The following NRXN1 variants were observed in gnomAD, a reference collection of about 807,000 sequenced individuals.
NRXN1 encodes the protein neurexin-1.
Under a neutral mutation model 150.9 loss-of-function variants are expected in NRXN1, and 39 were observed. The observed-to-expected ratio is 0.26, with a 90% CI of 0.20 to 0.34. NRXN1 has a LOEUF of 0.34. Ranked by LOEUF, NRXN1 falls within the 10% of genes least tolerant of loss-of-function variation. NRXN1 has a pLI of 1.00. For missense variants in NRXN1, 1,815 were observed against 1,949.9 expected (o/e 0.93, Z 1.30); for synonymous variants, 924 against 757.0 (o/e 1.22, Z -3.62).
intron 21 of NRXN1, among the ~76,000 whole-genome samples, chr2:49,997,772 C>T (rs773196248): frequency 2.0e-5 from 3 of 152,140 alleles, no homozygotes; most frequent in Non-Finnish European, 2.9e-5. Flanking sequence ...GCCTATCTTA[C>T]AGCCTGTTCC....
chr2:50,943,280 G>A (rs183856363), intron 2 of NRXN1, among the ~76,000 whole-genome samples: 22 of 152,128 alleles, frequency 1.4e-4, no homozygotes, highest in Admixed American at 7.2e-4. Context: ...AAACTAATAC[G>A]CGGACTTCAC....
intron 21 of NRXN1, among the ~76,000 whole-genome samples, chr2:50,005,833 C>T (rs1345869118): frequency 1.3e-5 from 2 of 152,138 alleles, no homozygotes; most frequent in African/African-American, 2.4e-5. Flanking sequence ...CTGCCTCAGA[C>T]GCATTTCTGC....
At position 50,639,201 on chromosome 2, in the gene NRXN1, T is replaced by TC. The variant is rs1231476336; in HGVS notation, c.833-15587_833-15586insG. 6.9e-3 allele frequency among the ~76,000 whole-genome samples: 908 copies of TC among 131,156 alleles called. 21 individuals are homozygous for TC. The highest frequency in any genetic ancestry group is 0.02 in the East Asian group (86 of 4,322). The allele number at this position is 131,156 out of a possible 152,430, so 86.0% of individuals were successfully genotyped here. ...ATCACACTTTTATGCATTTATCATT[T>TC]TTTTCTTTCTTTCTTTCTTTCTTTT... On this transcript the variant is annotated intron_variant, in intron 5 of 22. Coordinates refer to ENST00000401669, the MANE Select transcript of NRXN1 (RefSeq NM_001330078.2).
intron 17 of NRXN1, among the ~76,000 whole-genome samples, chr2:50,405,526 T>C (rs953175193): frequency 1.3e-5 from 2 of 152,154 alleles, no homozygotes; most frequent in South Asian, 4.1e-4. Context: ...AACTTCTTTC[T>C]ATTGTGTCAC....
chr2:50,203,602 T>G (rs2062347624), intron 18 of NRXN1, among the ~76,000 whole-genome samples: 1 of 152,180 alleles, frequency 6.6e-6, no homozygotes, highest in African/African-American at 2.4e-5. Flanking sequence ...ATCATGAAGA[T>G]TCCACTTCTG....
chr2:50,960,940 CA>C (rs1466917578), intron 2 of NRXN1, among the ~76,000 whole-genome samples: 1 of 151,894 alleles, frequency 6.6e-6, no homozygotes. Context: ...ATAATTTAAG[CA>C]ACTGTCTCTG....
chr2:50,801,782 G>A (rs1451858943), intron 5 of NRXN1, among the ~76,000 whole-genome samples: 2 of 152,178 alleles, frequency 1.3e-5, no homozygotes, highest in Non-Finnish European at 2.9e-5. Context: ...ATTTGGTAAA[G>A]CAGTGAATGC....
intron 5 of NRXN1, among the ~76,000 whole-genome samples, chr2:50,656,875 C>G (rs1686555153): frequency 6.6e-6 from 1 of 151,858 alleles, no homozygotes; most frequent in Admixed American, 6.6e-5. Context: ...GAAGGCTATC[C>G]AAGAATATCT....
intron 17 of NRXN1, among the ~76,000 whole-genome samples, chr2:50,356,763 T>C (rs895396257): frequency 6.6e-6 from 1 of 152,198 alleles, no homozygotes; most frequent in Non-Finnish European, 1.5e-5. Flanking sequence ...ATTAGACATA[T>C]GGTGTGGTCT....
At chr2:50,894,329 C>CAA (rs201262840) in intron 5 of NRXN1, among the ~76,000 whole-genome samples, 2 of 136,474 alleles carry the variant, frequency 1.5e-5, no homozygotes, top group African/African-American at 2.7e-5. Flanking sequence ...AAAATAAAAC[C>CAA]AAAAAAAAAA....
chr2:50,405,036 T>C (rs1260280558), intron 17 of NRXN1, among the ~76,000 whole-genome samples: 1 of 152,098 alleles, frequency 6.6e-6, no homozygotes, highest in Non-Finnish European at 1.5e-5. Flanking sequence ...AATAATCACC[T>C]CTTCCCCAAC....
chr2:50,816,914 AT>A (rs955062346), intron 5 of NRXN1, among the ~76,000 whole-genome samples: 1 of 152,070 alleles, frequency 6.6e-6, no homozygotes, highest in Non-Finnish European at 1.5e-5. Flanking sequence ...AATAATACGG[AT>A]TTTTTTAACA....
intron 18 of NRXN1, among the ~76,000 whole-genome samples, chr2:50,116,527 T>C (rs17039860): frequency 0.015 from 2,304 of 152,184 alleles, 161 homozygotes; most frequent in Admixed American, 0.12. Flanking sequence ...GTCAGCTCTC[T>C]GCTTAAAAAG....
intron 18 of NRXN1, among the ~76,000 whole-genome samples, chr2:50,107,661 T>A (rs1701865406): frequency 6.6e-6 from 1 of 151,290 alleles, no homozygotes; most frequent in Non-Finnish European, 1.5e-5. Flanking sequence ...TGAAACGGAT[T>A]AATTAGGCAG....
intron 8 of NRXN1, among the ~76,000 whole-genome samples, chr2:50,565,491 T>C (rs944597087): frequency 2.0e-5 from 3 of 152,084 alleles, no homozygotes; most frequent in African/African-American, 7.2e-5. Context: ...GCCAGATATA[T>C]AGACATTGTA....
chr2:50,366,669 T>C (rs1322088589), intron 17 of NRXN1, among the ~76,000 whole-genome samples: 2 of 152,002 alleles, frequency 1.3e-5, no homozygotes, highest in Non-Finnish European at 2.9e-5. Flanking sequence ...AGGTAGGTTT[T>C]GGTAGACTGT....
intron 15 of NRXN1, among the ~76,000 whole-genome samples, chr2:50,495,307 T>C (rs1373750247): frequency 6.6e-6 from 1 of 151,638 alleles, no homozygotes; most frequent in Non-Finnish European, 1.5e-5. Context: ...GAGAAGCGTA[T>C]GTTAAGACTT....
chr2:50,991,809 G>T (rs754252869), intron 2 of NRXN1, among the ~76,000 whole-genome samples: 7 of 151,958 alleles, frequency 4.6e-5, no homozygotes, highest in Non-Finnish European at 1.0e-4. Context: ...AAAAGGCAAC[G>T]ATGCAATACA....
intron 18 of NRXN1, among the ~76,000 whole-genome samples, chr2:50,170,051 T>A (rs1432908119): frequency 6.6e-6 from 1 of 152,004 alleles, no homozygotes; most frequent in Non-Finnish European, 1.5e-5. Flanking sequence ...GACAAATACT[T>A]TTTTAAGCAT....
Sources: gnomAD v4.1 joint callset for allele counts (sites outside exome capture counted in the v4.1 genomes callset) on GRCh38, gnomAD v4.1.1 for gene constraint, MANE v1.5 for transcripts, NCBI Gene and HGNC (gene_info 2026-07-23, HGNC 2026-07-21) for gene names.